ADGRL3: variants seen among roughly 807,000 people sequenced by gnomAD.
The protein encoded by ADGRL3 is adhesion G protein-coupled receptor L3, also known as calcium-independent alpha-latrotoxin receptor 3.
Under a neutral mutation model 153.5 loss-of-function variants are expected in ADGRL3, and 62 were observed. That is an observed-to-expected ratio of 0.40 (90% CI 0.33 to 0.50). ADGRL3 has a LOEUF of 0.50. Among genes scored for constraint, ADGRL3 ranks in the 20% least tolerant of loss-of-function variants. The probability of loss-of-function intolerance (pLI) is 0.47; values close to 1 mark genes in which losing one functional copy is unlikely to be tolerated. For missense variants in ADGRL3, 1,641 were observed against 1,859.4 expected, an observed-to-expected ratio of 0.88 and a Z score of 2.16; for synonymous variants, 710 against 672.5, an observed-to-expected ratio of 1.06 and a Z score of -0.86.
intron 1 of ADGRL3, among the ~76,000 whole-genome samples, chr4:61,203,404 G>C (rs1281887404): frequency 4.6e-5 from 7 of 152,132 alleles, no homozygotes; most frequent in Non-Finnish European, 1.0e-4. Context: ...ACCTGCTGTC[G>C]TCTGTTGTGT....
chr4:61,247,940 C>T (rs1757742286), intron 1 of ADGRL3, among the ~76,000 whole-genome samples: 1 of 151,956 alleles, frequency 6.6e-6, no homozygotes, highest in Non-Finnish European at 1.5e-5. Flanking sequence ...AGAAATGAAC[C>T]ACATGAATCC....
intron 3 of ADGRL3, among the ~76,000 whole-genome samples, chr4:61,509,311 A>G (rs916331857): frequency 5.3e-5 from 8 of 151,944 alleles, no homozygotes; most frequent in Non-Finnish European, 8.8e-5. Context: ...TATTTTTAGT[A>G]GAGACAGGGT....
chr4:61,349,988 C>A (rs567766697), intron 1 of ADGRL3, among the ~76,000 whole-genome samples: 1 of 152,124 alleles, frequency 6.6e-6, no homozygotes, highest in African/African-American at 2.4e-5. Context: ...AATAATCACG[C>A]AGAACAAGAA....
At chr4:61,264,203 G>A (rs2092711443) in intron 1 of ADGRL3, among the ~76,000 whole-genome samples, 1 of 151,942 alleles carries the variant, frequency 6.6e-6, no homozygotes, top group African/African-American at 2.4e-5. Context: ...AATTAAGCTG[G>A]TAACCTTTTT....
In ADGRL3 at chr4:62,075,024, T is replaced by A. The variant is rs1345739335; in HGVS notation, c.*4116T>A. The A allele has an allele frequency of 6.6e-6, 1 of 152,118 alleles. No individual in the cohort carries two copies. The allele number at this position is 152,118 out of a possible 1,614,324, so 9.4% of individuals were successfully genotyped here. On this transcript the variant is annotated 3_prime_UTR_variant, in exon 27 of 27. Coordinates refer to ENST00000683033, the MANE Select transcript of ADGRL3 (RefSeq NM_001387552.1). ...AATGACATTAAAAATTTCGACTGAC[T>A]TTCTACATTACTGTAAAGATCAAAA... is the stretch of plus-strand genomic sequence containing the variant.
chr4:62,004,474 A>G (rs1295607396), intron 21 of ADGRL3, among the ~76,000 whole-genome samples: 1 of 151,974 alleles, frequency 6.6e-6, no homozygotes, highest in Non-Finnish European at 1.5e-5. Flanking sequence ...GATAAAAAAT[A>G]CTGATATACC....
chr4:61,536,046 T>A (rs2152975092), intron 4 of ADGRL3, among the ~76,000 whole-genome samples: 1 of 152,170 alleles, frequency 6.6e-6, no homozygotes, highest in Non-Finnish European at 1.5e-5. Flanking sequence ...TAAACTTTGC[T>A]GTTTTTTTGC....
At position 61,959,567 on chromosome 4, in the gene ADGRL3, C is replaced by T. The variant is rs182054478; in HGVS notation, c.2805+11291C>T. 1.1e-3 allele frequency among the ~76,000 whole-genome samples: 161 copies of T among 152,162 alleles called. 1 individual carries two copies. The highest frequency in any genetic ancestry group is 2.0e-3 in the Non-Finnish European group (133 of 67,990). On this transcript the variant is annotated intron_variant, in intron 17 of 26. Coordinates refer to ENST00000683033, the MANE Select transcript of ADGRL3 (RefSeq NM_001387552.1). ...AAATGTAGGATTGATTCAAAACAGT[C>T]ACAGTTTGGAACATTTTAATTCCAT...
chr4:61,262,250 A>G (rs1482082615), intron 1 of ADGRL3, among the ~76,000 whole-genome samples: 1 of 152,098 alleles, frequency 6.6e-6, no homozygotes, highest in Non-Finnish European at 1.5e-5. Context: ...TATGTATCAT[A>G]TGTGTTATTT....
At chr4:61,273,145 T>C (rs2093287017) in intron 1 of ADGRL3, among the ~76,000 whole-genome samples, 4 of 152,210 alleles carry the variant, frequency 2.6e-5, no homozygotes, top group Admixed American at 2.6e-4. Context: ...GTTGTTGCTA[T>C]CGTTTTTAAC....
intron 2 of ADGRL3, among the ~76,000 whole-genome samples, chr4:61,469,646 T>C (rs896389483): frequency 6.6e-6 from 1 of 152,060 alleles, no homozygotes; most frequent in African/African-American, 2.4e-5. Context: ...AATATTAGGA[T>C]AGATAAAGAG....
At chr4:61,597,222 A>G (rs921073809) in intron 5 of ADGRL3, among the ~76,000 whole-genome samples, 4 of 152,274 alleles carry the variant, frequency 2.6e-5, no homozygotes, top group Middle Eastern at 3.4e-3. Context: ...AATGCTTGGC[A>G]AAGAATATAA....
At chr4:61,298,404 TA>T (rs751253421) in intron 1 of ADGRL3, among the ~76,000 whole-genome samples, 12 of 152,200 alleles carry the variant, frequency 7.9e-5, no homozygotes, top group Admixed American at 2.6e-4. Flanking sequence ...AGATAACCCT[TA>T]ATTCCTCCTT....
chr4:61,804,287 G>A (rs1055030663), intron 8 of ADGRL3, among the ~76,000 whole-genome samples: 1 of 152,048 alleles, frequency 6.6e-6, no homozygotes, highest in African/African-American at 2.4e-5. Context: ...GGCATATATT[G>A]ATCTCAATCA....
chr4:61,483,634 G>A (rs1187669591), intron 2 of ADGRL3, among the ~76,000 whole-genome samples: 3 of 152,024 alleles, frequency 2.0e-5, no homozygotes, highest in Non-Finnish European at 4.4e-5. Context: ...CTACTCGGGA[G>A]GCTGAGGCAG....
chr4:61,948,183 C>T lies in ADGRL3; in HGVS notation c.2712C>T (p.Gly904=). 2 of 1,613,770 alleles carry T rather than the reference C, an allele frequency of 1.2e-6. No homozygotes were observed. Among genetic ancestry groups the T allele is most frequent in the African/African-American group, 1.3e-5 (1 of 75,040 alleles). ...RTMTGYWSTQ[G]CRLLTTNKTH... ...TGACAGGTTATTGGTCAACACAAGG[C>T]TGTCGGCTCCTGACAACAAATAAGA... is the stretch of plus-strand genomic sequence containing the variant. The change falls in exon 17 of 27, where the codon GGC becomes GGT. Residue 904 remains glycine, a synonymous_variant. Transcript: ENST00000683033.
At chr4:61,339,322 A>G (rs2095754232) in intron 1 of ADGRL3, among the ~76,000 whole-genome samples, 1 of 152,204 alleles carries the variant, frequency 6.6e-6, no homozygotes, top group Non-Finnish European at 1.5e-5. Flanking sequence ...AGCACATACA[A>G]TCTGCAAATT....
chr4:61,607,583 G>C (rs548190417), intron 5 of ADGRL3, among the ~76,000 whole-genome samples: 2 of 152,246 alleles, frequency 1.3e-5, no homozygotes, highest in African/African-American at 4.8e-5. Flanking sequence ...CTGGGTGACA[G>C]AGGTTCCACC....
At chr4:61,791,037 G>A (rs959924152) in intron 8 of ADGRL3, among the ~76,000 whole-genome samples, 1 of 152,036 alleles carries the variant, frequency 6.6e-6, no homozygotes, top group Non-Finnish European at 1.5e-5. Flanking sequence ...GATTTGGGTG[G>A]GGACACAGGC....
Sources: allele counts gnomAD v4.1 joint callset (sites outside exome capture counted in the v4.1 genomes callset), GRCh38; gene constraint gnomAD v4.1.1; transcripts MANE v1.5; gene names NCBI Gene and HGNC (gene_info 2026-07-23, HGNC 2026-07-21).